The following KIAA0825 variants were observed in gnomAD, a reference collection of about 807,000 sequenced individuals.
KIAA0825 encodes KIAA0825, also known as uncharacterized protein KIAA0825.
KIAA0825 carries 119 observed loss-of-function variants against 147.6 expected under a neutral mutation model. The observed-to-expected ratio is 0.81, with a 90% CI of 0.69 to 0.94. The LOEUF is 0.94. KIAA0825 is among the 40% of genes least tolerant of loss of function. The pLI is 0.00. For missense variants in KIAA0825, 1,381 were observed against 1,472.7 expected, an observed-to-expected ratio of 0.94 and a Z score of 1.02; for synonymous variants, 470 against 518.1, an observed-to-expected ratio of 0.91 and a Z score of 1.26.
intron 1 of KIAA0825, among the ~76,000 whole-genome samples, chr5:94,605,009 A>T (rs528204019): frequency 1.3e-5 from 2 of 150,664 alleles, no homozygotes; most frequent in East Asian, 3.9e-4. Flanking sequence ...TAGCTGGATT[A>T]ATGAAGAAGA....
chr5:94,386,126 G>T (rs1383141922), intron 19 of KIAA0825, 116 bp downstream of exon 19: 1 of 818,888 alleles, frequency 1.2e-6, no homozygotes, highest in Non-Finnish European at 1.9e-6. Context: ...TAAGAACAAG[G>T]CCTTTTGCTT....
At chr5:94,265,301 G>T (rs552246384) in intron 20 of KIAA0825, among the ~76,000 whole-genome samples, 1 of 152,278 alleles carries the variant, frequency 6.6e-6, no homozygotes, top group African/African-American at 2.4e-5. Context: ...GAGGTTTGTG[G>T]ACTGTTGTCA....
chr5:94,190,981 T>A (rs1770631573), intron 20 of KIAA0825, among the ~76,000 whole-genome samples: 1 of 152,208 alleles, frequency 6.6e-6, no homozygotes, highest in Admixed American at 6.5e-5. Flanking sequence ...AGATATTATC[T>A]AATGTTTTTC....
intron 3 of KIAA0825, among the ~76,000 whole-genome samples, chr5:94,528,686 G>C (rs1037382897): frequency 6.6e-6 from 1 of 152,024 alleles, no homozygotes; most frequent in Non-Finnish European, 1.5e-5. Flanking sequence ...AAGTGGCACA[G>C]GGCTATGTTA....
At chr5:94,208,989 T>C (rs1438369927) in intron 20 of KIAA0825, among the ~76,000 whole-genome samples, 1 of 152,208 alleles carries the variant, frequency 6.6e-6, no homozygotes, top group East Asian at 1.9e-4. Flanking sequence ...TGAGGGATAT[T>C]GGTCTGTGCA....
chr5:94,533,427 C>T (rs1771310945), intron 3 of KIAA0825, among the ~76,000 whole-genome samples: 1 of 151,882 alleles, frequency 6.6e-6, no homozygotes. Context: ...CAGGTGTGCA[C>T]CACCACGCCC....
chr5:94,522,424 G>T (rs1281919370), intron 4 of KIAA0825, among the ~76,000 whole-genome samples: 1 of 151,454 alleles, frequency 6.6e-6, no homozygotes, highest in Non-Finnish European at 1.5e-5. Flanking sequence ...CTCTGCCTTG[G>T]TTTTTTTAAG....
chr5:94,593,015 T>A lies in KIAA0825; in HGVS notation c.-152-10432A>T. 3 of 638,294 alleles carry A rather than the reference T, an allele frequency of 4.7e-6. No homozygotes were observed. The East Asian group carries it at 8.5e-5, about 18-fold the overall frequency. 39.5% of individuals were successfully genotyped at this position (638,294 alleles called of 1,614,324 possible). A position where few individuals can be genotyped will look rare whatever the true frequency, so the allele number is the denominator to read the frequency against. On this transcript the variant is annotated intron_variant, in intron 1 of 20. Transcript: ENST00000682413. ...CTTTGGAAGCTTCAAAAGCAGAAGA[T>A]CAGTCTATTAAAAAATGTTGAGTAT... is the stretch of plus-strand genomic sequence containing the variant.
chr5:94,205,566 C>G (rs974878848), intron 20 of KIAA0825, among the ~76,000 whole-genome samples: 1 of 152,056 alleles, frequency 6.6e-6, no homozygotes, highest in Non-Finnish European at 1.5e-5. Context: ...GCTGGGATTA[C>G]AGGCGTGAGC....
At chr5:94,420,013 C>T (rs1753968010) in intron 14 of KIAA0825, among the ~76,000 whole-genome samples, 2 of 152,060 alleles carry the variant, frequency 1.3e-5, no homozygotes, top group African/African-American at 4.8e-5. Flanking sequence ...CAAAGCAGAT[C>T]ATGTCTCAGC....
intron 1 of KIAA0825, among the ~76,000 whole-genome samples, chr5:94,615,377 GATTAAAA>G (rs1790163232): frequency 1.3e-5 from 2 of 152,160 alleles, no homozygotes; most frequent in Admixed American, 6.5e-5. Flanking sequence ...GCTGAACCAG[GATTAAAA>G]ATTCAACTGG....
intron 20 of KIAA0825, among the ~76,000 whole-genome samples, chr5:94,197,231 T>C (rs959156975): frequency 6.6e-6 from 1 of 152,146 alleles, no homozygotes; most frequent in Admixed American, 6.6e-5. Flanking sequence ...ATGTTGACCA[T>C]TTTTTTCACA....
intron 1 of KIAA0825, chr5:94,615,764 C>T (rs1790280994): frequency 6.6e-6 from 1 of 151,470 alleles, no homozygotes; most frequent in South Asian, 2.1e-4. Flanking sequence ...AAAAAATGTA[C>T]AAATACTTCT....
rs1349380770 is a variant in KIAA0825, at chr5:94,345,238, A to C, written c.3710+39130T>G. 2.0e-5 allele frequency among the ~76,000 whole-genome samples: 3 copies of C among 152,124 alleles called. No individual in the cohort carries two copies. The East Asian group carries it at 5.8e-4, about 29-fold the overall frequency. On this transcript the variant is annotated intron_variant, in intron 20 of 20. Coordinates refer to ENST00000682413, the MANE Select transcript of KIAA0825 (RefSeq NM_001145678.3). Reference sequence around the variant, plus strand: ...GGGCATAGGTTATCAGTGGTGTTTAAATGAACGTTTGCCTTATGATACTTT... The same window carrying C: ...GGGCATAGGTTATCAGTGGTGTTTACATGAACGTTTGCCTTATGATACTTT...
chr5:94,235,974 C>G (rs745750450), intron 20 of KIAA0825, among the ~76,000 whole-genome samples: 6 of 152,202 alleles, frequency 3.9e-5, no homozygotes, highest in Non-Finnish European at 8.8e-5. Context: ...AAACAATGCA[C>G]CTGGTCATCC....
chr5:94,540,486 T>C (rs1221064616), intron 2 of KIAA0825, among the ~76,000 whole-genome samples: 1 of 152,242 alleles, frequency 6.6e-6, no homozygotes, highest in Non-Finnish European at 1.5e-5. Flanking sequence ...GCCATCACAA[T>C]GGTGGCCCAG....
intron 16 of KIAA0825, among the ~76,000 whole-genome samples, chr5:94,400,750 C>A (rs1045445978): frequency 3.3e-5 from 5 of 152,112 alleles, no homozygotes; most frequent in Admixed American, 2.6e-4. Context: ...TATGTCAGAG[C>A]CATCCTAACT....
At chr5:94,298,809 T>C (rs1222282198) in intron 20 of KIAA0825, among the ~76,000 whole-genome samples, 1 of 152,178 alleles carries the variant, frequency 6.6e-6, no homozygotes, top group Non-Finnish European at 1.5e-5. Flanking sequence ...TTCCTTTGAA[T>C]ACGTTCATCT....
At chr5:94,344,014 T>G (rs998954462) in intron 20 of KIAA0825, among the ~76,000 whole-genome samples, 1 of 152,188 alleles carries the variant, frequency 6.6e-6, no homozygotes, top group Non-Finnish European at 1.5e-5. Context: ...CTGGCGGAAA[T>G]GTAAACTAGT....
Sources: allele counts gnomAD v4.1 joint callset (sites outside exome capture counted in the v4.1 genomes callset), GRCh38; gene constraint gnomAD v4.1.1; transcripts MANE v1.5; gene names NCBI Gene and HGNC (gene_info 2026-07-23, HGNC 2026-07-21).